PDGFD: variants seen among roughly 807,000 people sequenced by gnomAD.
PDGFD encodes the protein platelet-derived growth factor D.
A neutral mutation model predicts 44.7 loss-of-function variants in PDGFD; 30 were observed. The ratio of observed to expected loss-of-function variants is 0.67; its 90% confidence interval spans 0.50 to 0.91. The LOEUF (loss-of-function observed/expected upper bound fraction) is 0.91, where lower values mean the gene tolerates loss of function less well. Ranked by LOEUF, PDGFD falls within the 40% of genes least tolerant of loss-of-function variation. The pLI is 0.00. For missense variants in PDGFD, 445 were observed against 457.8 expected (o/e 0.97, Z 0.25); for synonymous variants, 173 against 168.4 (o/e 1.03, Z -0.21).
chr11:104,145,100 A>G (rs530459312), intron 1 of PDGFD, among the ~76,000 whole-genome samples: 2 of 152,252 alleles, frequency 1.3e-5, no homozygotes, highest in South Asian at 2.1e-4. Flanking sequence ...TGTTATTGTT[A>G]TTGTTATTTA....
intron 2 of PDGFD, among the ~76,000 whole-genome samples, chr11:103,997,767 C>T (rs1859556089): frequency 6.6e-6 from 1 of 152,148 alleles, no homozygotes; most frequent in South Asian, 2.1e-4. Flanking sequence ...CTTTTAATAA[C>T]ACCATAGGTC....
intron 1 of PDGFD, among the ~76,000 whole-genome samples, chr11:104,104,059 C>T (rs1248257232): frequency 6.6e-6 from 1 of 151,802 alleles, no homozygotes; most frequent in African/African-American, 2.4e-5. Context: ...TGACCCTGTG[C>T]AGGCCTAAGC....
intron 1 of PDGFD, among the ~76,000 whole-genome samples, chr11:104,079,999 G>T (rs1861020656): frequency 6.6e-6 from 1 of 152,154 alleles, no homozygotes; most frequent in Non-Finnish European, 1.5e-5. Context: ...GGTGCTGACG[G>T]TATTATTGTC....
chr11:104,119,050 G>GATATA (rs369784284), intron 1 of PDGFD, among the ~76,000 whole-genome samples: 7,397 of 7,814 alleles, frequency 0.95, 3,560 homozygotes, highest in Middle Eastern at 1. Context: ...ATAATATATT[G>GATATA]ATATATTAAT....
intron 5 of PDGFD, among the ~76,000 whole-genome samples, chr11:103,931,275 G>GT (rs1438932659): frequency 6.6e-6 from 1 of 152,148 alleles, no homozygotes; most frequent in Non-Finnish European, 1.5e-5. Flanking sequence ...GTATGTAAAG[G>GT]TAAGTCTGTT....
At chr11:103,978,910 AG>A (rs1438922747) in intron 3 of PDGFD, among the ~76,000 whole-genome samples, 1 of 152,030 alleles carries the variant, frequency 6.6e-6, no homozygotes, top group Non-Finnish European at 1.5e-5. Flanking sequence ...TTGTCAGAGA[AG>A]GGGATGAATC....
intron 1 of PDGFD, among the ~76,000 whole-genome samples, chr11:104,083,048 T>G (rs1861069636): frequency 6.6e-6 from 1 of 152,236 alleles, no homozygotes; most frequent in Non-Finnish European, 1.5e-5. Context: ...TTTTTGTTAG[T>G]CATGACCCCA....
intron 6 of PDGFD, among the ~76,000 whole-genome samples, chr11:103,917,689 A>C (rs945459705): frequency 4.6e-5 from 7 of 152,178 alleles, no homozygotes; most frequent in African/African-American, 1.7e-4. Flanking sequence ...AAGGAGGATA[A>C]GTACCTTGTC....
chr11:103,995,937 GGAACAAACCAT>G (rs1182449396), intron 3 of PDGFD, 117 bp downstream of exon 3: 1 of 780,918 alleles, frequency 1.3e-6, no homozygotes, highest in Non-Finnish European at 2.0e-6. Flanking sequence ...CCATAAGGTA[GGAACAAACCAT>G]GTTATAAGGA....
intron 1 of PDGFD, among the ~76,000 whole-genome samples, chr11:104,146,722 T>A (rs1862168387): frequency 6.6e-6 from 1 of 152,182 alleles, no homozygotes; most frequent in South Asian, 2.1e-4. Flanking sequence ...TTCCTCCTGC[T>A]ATGAGTTGGA....
chr11:103,939,352 T>C (rs1157759693), intron 5 of PDGFD, among the ~76,000 whole-genome samples: 1 of 152,184 alleles, frequency 6.6e-6, no homozygotes. Flanking sequence ...TTTGGCTCTC[T>C]GTTTGTCTGT....
At chr11:104,119,899 TAA>T (rs2134462320) in intron 1 of PDGFD, among the ~76,000 whole-genome samples, 1 of 133,126 alleles carries the variant, frequency 7.5e-6, no homozygotes, top group Non-Finnish European at 1.6e-5. Flanking sequence ...CATAATTATA[TAA>T]TATATAAGCA....
intron 1 of PDGFD, among the ~76,000 whole-genome samples, chr11:104,128,946 G>A (rs929984127): frequency 6.6e-6 from 1 of 152,066 alleles, no homozygotes; most frequent in Non-Finnish European, 1.5e-5. Flanking sequence ...TATCCTCATG[G>A]TGACCTAGAA....
intron 1 of PDGFD, among the ~76,000 whole-genome samples, chr11:104,144,507 C>CAAAAAAAAAAAAAAAAAA (rs201864924): frequency 2.7e-5 from 2 of 73,808 alleles, no homozygotes; most frequent in African/African-American, 1.3e-4. Context: ...ACTCCGTCAC[C>CAAAAAAAAAAAAAAAAAA]AAAAAAAAAA....
chr11:104,134,745 G>A (rs905882471), intron 1 of PDGFD, among the ~76,000 whole-genome samples: 1 of 152,214 alleles, frequency 6.6e-6, no homozygotes, highest in African/African-American at 2.4e-5. Flanking sequence ...CAGGTCTCAG[G>A]AGGGGCTGAA....
intron 1 of PDGFD, among the ~76,000 whole-genome samples, chr11:104,143,691 C>G (rs1006456410): frequency 1.3e-5 from 2 of 152,112 alleles, no homozygotes; most frequent in African/African-American, 4.8e-5. Flanking sequence ...GAGAATCATG[C>G]GTTTTACTAG....
At chr11:104,009,398 G>T (rs1055044305) in intron 1 of PDGFD, among the ~76,000 whole-genome samples, 1 of 151,672 alleles carries the variant, frequency 6.6e-6, no homozygotes, top group African/African-American at 2.4e-5. Flanking sequence ...TCAGCAAAAT[G>T]AATCAAAATC....
intron 1 of PDGFD, among the ~76,000 whole-genome samples, chr11:104,030,704 G>A (rs1470110983): frequency 2.0e-5 from 3 of 152,288 alleles, no homozygotes; most frequent in Non-Finnish European, 2.9e-5. Context: ...ACATTCATGT[G>A]AAGAGAAAGA....
At chr11:104,071,964 CCA>C (rs1262296729) in intron 1 of PDGFD, among the ~76,000 whole-genome samples, 6 of 151,550 alleles carry the variant, frequency 4.0e-5, no homozygotes, top group Admixed American at 6.6e-5. Flanking sequence ...TGTGTCTGTG[CCA>C]CAGTTTTAAT....
Sources: allele counts gnomAD v4.1 joint callset (sites outside exome capture counted in the v4.1 genomes callset), GRCh38; gene constraint gnomAD v4.1.1; transcripts MANE v1.5; gene names NCBI Gene and HGNC (gene_info 2026-07-23, HGNC 2026-07-21).